PTPRD: variants seen among roughly 807,000 people sequenced by gnomAD.
PTPRD encodes the protein protein tyrosine phosphatase receptor type D, also known as receptor-type tyrosine-protein phosphatase delta.
PTPRD carries 34 observed loss-of-function variants against 214.5 expected under a neutral mutation model. The ratio of observed to expected loss-of-function variants is 0.16; its 90% CI spans 0.12 to 0.21. The LOEUF (loss-of-function observed/expected upper bound fraction) is 0.21, where lower values mean the gene tolerates loss of function less well. PTPRD is among the 10% of genes least tolerant of loss of function. PTPRD has a pLI of 1.00. For synonymous variants in PTPRD, 1,128 were observed against 845.7 expected, an observed-to-expected ratio of 1.33 and a Z score of -5.79; for missense variants, 2,545 against 2,398.7, an observed-to-expected ratio of 1.06 and a Z score of -1.27.
chr9:9,679,102 A>C (rs2154396260), intron 7 of PTPRD, among the ~76,000 whole-genome samples: 1 of 139,248 alleles, frequency 7.2e-6, no homozygotes, highest in South Asian at 2.2e-4. Context: ...ACCCTTTGGT[A>C]ATTAGGTTGA....
At chr9:10,118,454 C>T (rs972335597) in intron 3 of PTPRD, among the ~76,000 whole-genome samples, 1 of 151,554 alleles carries the variant, frequency 6.6e-6, no homozygotes, top group African/African-American at 2.4e-5. Context: ...AATAAAATAA[C>T]AAGCCCCAAA....
intron 6 of PTPRD, among the ~76,000 whole-genome samples, chr9:9,760,275 G>T (rs569416426): frequency 6.6e-6 from 1 of 152,024 alleles, no homozygotes; most frequent in African/African-American, 2.4e-5. Flanking sequence ...CCACTCAAAT[G>T]CTGGTAGTAT....
At chr9:8,373,804 TTATG>T (rs778163862) in intron 39 of PTPRD, among the ~76,000 whole-genome samples, 3,678 of 126,970 alleles carry the variant, frequency 0.029, 98 homozygotes, top group Non-Finnish European at 0.039. Context: ...ATTTTAAAAA[TTATG>T]TATGTATGTA....
chr9:10,278,495 T>C (rs760879723), intron 3 of PTPRD, among the ~76,000 whole-genome samples: 10 of 152,088 alleles, frequency 6.6e-5, no homozygotes, highest in Admixed American at 1.3e-4. Context: ...AATTTGCACA[T>C]AGTAATAAGA....
intron 5 of PTPRD, among the ~76,000 whole-genome samples, chr9:9,794,201 G>GTATA (rs112615686): frequency 2.3e-3 from 340 of 147,060 alleles, no homozygotes; most frequent in African/African-American, 3.8e-3. Context: ...GTGTGTGTGT[G>GTATA]TATATATATA....
intron 9 of PTPRD, among the ~76,000 whole-genome samples, chr9:9,311,004 T>C (rs1958828400): frequency 6.6e-6 from 1 of 150,938 alleles, no homozygotes; most frequent in Admixed American, 6.6e-5. Context: ...TGAAAGTGAG[T>C]GCTCTTAGGA....
intron 3 of PTPRD, among the ~76,000 whole-genome samples, chr9:10,301,772 G>A (rs2095868913): frequency 6.6e-6 from 1 of 152,166 alleles, no homozygotes; most frequent in Non-Finnish European, 1.5e-5. Context: ...GGGACTATGT[G>A]AAAAGACCAA....
rs183865037 is a variant in PTPRD at position 8,751,121 on chromosome 9, G to A, written c.-103-17175C>T. 2.1e-4 allele frequency among the ~76,000 whole-genome samples: 32 copies of A among 152,222 alleles called. No homozygotes were observed. The East Asian group carries it at 3.5e-3, about 17-fold the overall frequency. ...AGAAAACAATCAGAAATAATGTGTC[G>A]CTTTTTAATGTTTTCAGCTGCCCTT... On this transcript the variant is annotated intron_variant, in intron 11 of 45. Transcript: ENST00000381196.
At chr9:8,437,648 T>G (rs1197076407) in intron 34 of PTPRD, among the ~76,000 whole-genome samples, 1 of 152,152 alleles carries the variant, frequency 6.6e-6, no homozygotes, top group African/African-American at 2.4e-5. Context: ...TCCCCATTAT[T>G]CAACCCCCAG....
At chr9:9,174,293 T>TAA (rs942003251) in intron 10 of PTPRD, among the ~76,000 whole-genome samples, 1 of 152,124 alleles carries the variant, frequency 6.6e-6, no homozygotes, top group African/African-American at 2.4e-5. Context: ...GACTGATTAA[T>TAA]AAATATTCAA....
Position 8,485,940 on chromosome 9 carries a change from C to T in PTPRD, c.2877G>A (p.Arg959=), listed in dbSNP as rs369939279. The T allele has an allele frequency of 7.1e-5, 115 of 1,613,940 alleles. No homozygotes were observed. Among genetic ancestry groups the T allele is most frequent in the Non-Finnish European group, 9.6e-5 (113 of 1,180,020 alleles). The change falls in exon 28 of 46, where the codon AGG becomes AGA. Residue 959 remains arginine, a synonymous_variant. Coordinates refer to ENST00000381196, the MANE Select transcript of PTPRD (RefSeq NM_002839.4). ...GIITKYTLLY[R]DINIPLLPME... ...TCGGGAGAAGGGGGATGTTGATATC[C>T]CTATAAAGAAGGGTATACTTGGTGA...
At chr9:10,262,007 T>A (rs1055013047) in intron 3 of PTPRD, among the ~76,000 whole-genome samples, 2 of 152,106 alleles carry the variant, frequency 1.3e-5, no homozygotes, top group Non-Finnish European at 2.9e-5. Context: ...CCTAGAATAT[T>A]TGATTGCCCC....
chr9:8,558,208 T>A (rs2141124382), intron 14 of PTPRD, among the ~76,000 whole-genome samples: 1 of 152,324 alleles, frequency 6.6e-6, no homozygotes, highest in African/African-American at 2.4e-5. Context: ...TCCTCCAGGA[T>A]CATTAATTAG....
intron 43 of PTPRD, among the ~76,000 whole-genome samples, chr9:8,336,628 CAAA>C (rs764320816): frequency 0.056 from 6,380 of 114,552 alleles, 180 homozygotes; most frequent in South Asian, 0.2. Context: ...TTCTGCAGAG[CAAA>C]AAAAAAAAAA....
chr9:8,671,000 G>T (rs949529574), intron 12 of PTPRD, among the ~76,000 whole-genome samples: 1 of 152,162 alleles, frequency 6.6e-6, no homozygotes, highest in South Asian at 2.1e-4. Flanking sequence ...TGTGTGTGTG[G>T]ATGTGGAGGT....
chr9:10,300,018 A>G (rs184026192), intron 3 of PTPRD, among the ~76,000 whole-genome samples: 1 of 152,288 alleles, frequency 6.6e-6, no homozygotes, highest in Admixed American at 6.5e-5. Context: ...TTGCACTAAT[A>G]AATCCTATAC....
intron 10 of PTPRD, among the ~76,000 whole-genome samples, chr9:9,026,862 T>C (rs776333749): frequency 6.6e-6 from 1 of 151,822 alleles, no homozygotes; most frequent in African/African-American, 2.4e-5. Context: ...AGCTGGACTC[T>C]CCTACTCCGA....
chr9:9,379,540 A>G (rs1472443634), intron 9 of PTPRD, among the ~76,000 whole-genome samples: 2 of 151,964 alleles, frequency 1.3e-5, no homozygotes, highest in Non-Finnish European at 1.5e-5. Context: ...CTCTTTATAT[A>G]ACTTTAGAAT....
intron 5 of PTPRD, among the ~76,000 whole-genome samples, chr9:9,832,064 C>T (rs918134712): frequency 6.6e-6 from 1 of 151,942 alleles, no homozygotes; most frequent in Non-Finnish European, 1.5e-5. Flanking sequence ...ACCATTCTCT[C>T]CCTAAAAACA....
Sources: gnomAD v4.1 joint callset for allele counts (sites outside exome capture counted in the v4.1 genomes callset) on GRCh38, gnomAD v4.1.1 for gene constraint, MANE v1.5 for transcripts, NCBI Gene and HGNC (gene_info 2026-07-23, HGNC 2026-07-21) for gene names.